Variants in ZC3H3 observed in about 807,000 individuals in gnomAD.
The protein encoded by ZC3H3 is zinc finger CCCH domain-containing protein 3.
Under a neutral mutation model 77.3 loss-of-function variants are expected in ZC3H3, and 36 were observed. That is an observed-to-expected ratio of 0.47 (90% CI 0.36 to 0.61). The LOEUF (loss-of-function observed/expected upper bound fraction) is 0.61. ZC3H3 is among the 20% of genes least tolerant of loss of function. The pLI, the probability that ZC3H3 is intolerant of heterozygous loss-of-function variation, is 0.00. For synonymous variants in ZC3H3, 626 were observed against 555.2 expected (o/e 1.13, Z -1.79); for missense variants, 1,331 against 1,312.2 (o/e 1.01, Z -0.22).
chr8:143,440,737 T>C (rs1032463919), intron 10 of ZC3H3, among the ~76,000 whole-genome samples, 199 bp downstream of exon 10: 8 of 152,214 alleles, frequency 5.3e-5, no homozygotes, highest in African/African-American at 1.9e-4. Flanking sequence ...GGGATGCCCT[T>C]GGCTCTGTCC....
At chr8:143,498,605 AG>A (rs1415005600) in intron 4 of ZC3H3, among the ~76,000 whole-genome samples, 1 of 151,952 alleles carries the variant, frequency 6.6e-6, no homozygotes, top group East Asian at 1.9e-4. Flanking sequence ...CCCCGGCTGA[AG>A]GGGGTCACCC....
Position 143,475,484 on chromosome 8 carries a change from C to T in ZC3H3, c.1817G>A (p.Gly606Glu). Residue 606 changes from glycine (G) to glutamate (E), a missense_variant, in exon 5 of 12, where the codon GGG becomes GAG. This residue lies in a region of ZC3H3 where 978 missense variants were observed against 915.5 expected (regional missense o/e 1.07). Transcript: ENST00000262577. The part of the protein sequence containing the change: ...WRSKGYRCIG[G>E]VLYKVSANKL... ...GTTGGCAGATACTTTGTAGAGGACC[C>T]CTCCGATGCAGCGGTAGCCTTTGCT... The T allele has an allele frequency of 1.9e-6, 3 of 1,613,104 alleles. No homozygotes were observed. The highest frequency in any genetic ancestry group is 2.5e-6 in the Non-Finnish European group (3 of 1,179,952).
chr8:143,495,115 G>A (rs1447556503), intron 4 of ZC3H3, among the ~76,000 whole-genome samples: 1 of 152,220 alleles, frequency 6.6e-6, no homozygotes, highest in Non-Finnish European at 1.5e-5. Context: ...CAGGTGCACA[G>A]AAAGAGCTGC....
At chr8:143,481,548 G>C (rs912793885) in intron 4 of ZC3H3, among the ~76,000 whole-genome samples, 91 of 152,364 alleles carry the variant, frequency 6.0e-4, no homozygotes, top group African/African-American at 2.1e-3. Flanking sequence ...GGGCTCCACA[G>C]CAGGGAGGGC....
chr8:143,441,103 C>T lies in ZC3H3; in HGVS notation c.2325G>A (p.Thr775=), dbSNP rs1187466453. ...TGCGGGCAAAGTCGGGGCACAGCAG[C>T]GTGTGTTTCTTCTTGCACTGCAGAG... ...PLGAKCKKKH[T]LLCPDFARRG... The change falls in exon 10 of 12, where the codon ACG becomes ACA. Residue 775 remains threonine (T), a synonymous_variant. Coordinates refer to ENST00000262577, the MANE Select transcript of ZC3H3 (RefSeq NM_015117.3). 4.1e-6 allele frequency: 6 copies of T among 1,447,302 alleles called. No homozygotes were observed. Among genetic ancestry groups the T allele is most frequent in the Admixed American group, 6.7e-5 (2 of 29,644 alleles). 89.7% of individuals were successfully genotyped at this position (1,447,302 alleles called of 1,614,324 possible). A position where few individuals can be genotyped will look rare whatever the true frequency, so the allele number is the denominator to read the frequency against.
chr8:143,536,495 G>T, intron 2 of ZC3H3, 42 bp from the exon 3 acceptor site: 1 of 1,451,402 alleles, frequency 6.9e-7, no homozygotes, highest in Non-Finnish European at 9.1e-7. Flanking sequence ...AAGCCCTGGG[G>T]GTTCTGCCCA....
intron 3 of ZC3H3, among the ~76,000 whole-genome samples, chr8:143,517,836 A>T (rs1202076338): frequency 1.3e-5 from 2 of 152,002 alleles, no homozygotes; most frequent in Non-Finnish European, 2.9e-5. Context: ...CCGAATCTCC[A>T]GGCCCACCTG....
intron 4 of ZC3H3, among the ~76,000 whole-genome samples, chr8:143,498,047 C>G (rs1337300982): frequency 2.6e-5 from 4 of 152,252 alleles, no homozygotes; most frequent in African/African-American, 4.8e-5. Flanking sequence ...TCAACACACA[C>G]CGGGTGAGCG....
In ZC3H3 at chr8:143,493,579, C is replaced by T. The variant is rs901037424; in HGVS notation, c.1715+14167G>A. ...TCCACTCACAAAGCCGAAAGGCCTGCCTGCCTCAAACAAACAGAGAAATAA... is the reference window on the plus strand; with the variant it reads ...TCCACTCACAAAGCCGAAAGGCCTGTCTGCCTCAAACAAACAGAGAAATAA... On this transcript the variant is annotated intron_variant, in intron 4 of 11. Coordinates refer to ENST00000262577, the MANE Select transcript of ZC3H3 (RefSeq NM_015117.3). This position sits in a 1 kb window ranked among gnomAD's most constrained non-coding sequence, Gnocchi z 4.8. 1.3e-5 allele frequency among the ~76,000 whole-genome samples: 2 copies of T among 152,230 alleles called. No individual in the cohort carries two copies. Among genetic ancestry groups the T allele is most frequent in the African/African-American group, 2.4e-5 (1 of 41,454 alleles).
At chr8:143,477,022 G>C (rs1050265569) in intron 4 of ZC3H3, among the ~76,000 whole-genome samples, 1 of 152,304 alleles carries the variant, frequency 6.6e-6, no homozygotes, top group Middle Eastern at 3.4e-3. Context: ...AGCCACCCAC[G>C]AGGAGCCAAC....
At chr8:143,439,245 T>C (rs1017988651) in intron 11 of ZC3H3, among the ~76,000 whole-genome samples, 3 of 151,632 alleles carry the variant, frequency 2.0e-5, no homozygotes, top group Non-Finnish European at 4.4e-5. Flanking sequence ...GCCCCTGACG[T>C]GGAGGCTGTG....
chr8:143,482,781 G>A (rs1215444440), intron 4 of ZC3H3, among the ~76,000 whole-genome samples: 3 of 152,238 alleles, frequency 2.0e-5, no homozygotes, highest in Non-Finnish European at 4.4e-5. Context: ...ACACAGGGAC[G>A]TGCAATATGC....
intron 3 of ZC3H3, chr8:143,523,355 A>G (rs562685440): frequency 2.0e-6 from 2 of 985,424 alleles, no homozygotes; most frequent in South Asian, 4.7e-5. Context: ...TGGGGGTCCC[A>G]CAAGAGCAGG....
rs749364612 is a variant in ZC3H3, at chr8:143,440,897, C to T, written c.2492+39G>A. 1.7e-5 allele frequency: 23 copies of T among 1,360,410 alleles called. No homozygotes were observed. The East Asian group carries it at 2.0e-4, about 12-fold the overall frequency. The allele number at this position is 1,360,410 out of a possible 1,614,324, so 84.3% of individuals were successfully genotyped here. A position where few individuals can be genotyped will look rare whatever the true frequency, so the allele number is the denominator to read the frequency against. ...GCATCTCCCCAGACAGGGAGGGGGC[C>T]ACCCAGGCTCACATGCACAGTGCCC... On this transcript the variant is annotated intron_variant, in intron 10 of 11. Transcript: ENST00000262577.
chr8:143,499,990 G>A (rs114047605), intron 4 of ZC3H3, among the ~76,000 whole-genome samples: 1 of 152,056 alleles, frequency 6.6e-6, no homozygotes, highest in South Asian at 2.1e-4. Flanking sequence ...CACCAGAGCA[G>A]CGGCCGGGCT....
chr8:143,504,133 T>A (rs1437496571), intron 4 of ZC3H3, among the ~76,000 whole-genome samples: 1 of 152,144 alleles, frequency 6.6e-6, no homozygotes, highest in Non-Finnish European at 1.5e-5. Flanking sequence ...ACAGGCCTAA[T>A]CACCCTGAGC....
At chr8:143,536,208 C>T (rs775639214) in intron 3 of ZC3H3, 49 bp downstream of exon 3, 2 of 1,565,072 alleles carry the variant, frequency 1.3e-6, no homozygotes, top group South Asian at 1.2e-5. Flanking sequence ...CAGCATATCC[C>T]ATCAGGCAGG....
In ZC3H3 at chr8:143,438,162, G is replaced by C. The variant is rs534309623; in HGVS notation, c.2816-75C>G. ...TCCCCAGCCTGCAAAGCTCCTGATC[G>C]GGCTCAGGATCGGGGGGCTCTGTCA... On this transcript the variant is annotated intron_variant, in intron 11 of 11. Transcript: ENST00000262577. The C allele has an allele frequency of 7.8e-6, 12 of 1,546,688 alleles. No homozygotes were observed. The East Asian group carries it at 2.8e-4, about 37-fold the overall frequency.
intron 9 of ZC3H3, among the ~76,000 whole-genome samples, chr8:143,464,931 G>T (rs943455974): frequency 6.6e-6 from 1 of 151,654 alleles, no homozygotes; most frequent in African/African-American, 2.4e-5. Context: ...CTGGGGTAGA[G>T]GGGGCTTGTA....
Sources: allele counts gnomAD v4.1 joint callset (sites outside exome capture counted in the v4.1 genomes callset), GRCh38; gene constraint gnomAD v4.1.1; regional missense constraint gnomAD v4.1.1; non-coding constraint Gnocchi (gnomAD v3.1); transcripts MANE v1.5; gene names NCBI Gene and HGNC (gene_info 2026-07-23, HGNC 2026-07-21).